The following LIFR variants were observed in gnomAD, a reference collection of about 807,000 sequenced individuals.
The protein encoded by LIFR is leukemia inhibitory factor receptor.
LIFR carries 84 observed loss-of-function variants against 122.2 expected under a neutral mutation model. The ratio of observed to expected loss-of-function variants is 0.69; its 90% confidence interval spans 0.58 to 0.82. LIFR has a LOEUF of 0.82. LIFR is among the 40% of genes least tolerant of loss of function. The probability of loss-of-function intolerance (pLI) is 0.00; values close to 1 mark genes in which losing one functional copy is unlikely to be tolerated. For synonymous variants in LIFR, 422 were observed against 434.7 expected, an observed-to-expected ratio of 0.97 and a Z score of 0.36; for missense variants, 1,294 against 1,311.6, an observed-to-expected ratio of 0.99 and a Z score of 0.21.
chr5:38,574,910 CT>C (rs1749332595), intron 1 of LIFR, among the ~76,000 whole-genome samples: 1 of 152,142 alleles, frequency 6.6e-6, no homozygotes, highest in African/African-American at 2.4e-5. Flanking sequence ...ATCAAGACAT[CT>C]TTTGTTCCCC....
intron 17 of LIFR, among the ~76,000 whole-genome samples, chr5:38,485,220 C>T (rs1447300419): frequency 6.6e-6 from 1 of 152,144 alleles, no homozygotes; most frequent in African/African-American, 2.4e-5. Flanking sequence ...GTTATGACAA[C>T]CAAAAATGAC....
intron 1 of LIFR, among the ~76,000 whole-genome samples, chr5:38,563,553 C>T (rs925769278): frequency 8.5e-5 from 13 of 152,240 alleles, no homozygotes; most frequent in African/African-American, 3.1e-4. Flanking sequence ...TGTTTAATTC[C>T]AAAGTCATCA....
intron 13 of LIFR, among the ~76,000 whole-genome samples, chr5:38,495,876 T>A (rs917900588): frequency 1.3e-5 from 2 of 152,180 alleles, no homozygotes; most frequent in Non-Finnish European, 1.5e-5. Context: ...AAGGCCTATA[T>A]TGAAGATCTA....
At chr5:38,583,759 C>T (rs1265900486) in intron 1 of LIFR, among the ~76,000 whole-genome samples, 1 of 152,206 alleles carries the variant, frequency 6.6e-6, no homozygotes, top group Admixed American at 6.5e-5. Context: ...ACCCAAATCT[C>T]ATCTTGAATT....
At chr5:38,516,366 G>GA (rs756524956) in intron 5 of LIFR, among the ~76,000 whole-genome samples, 1 of 152,076 alleles carries the variant, frequency 6.6e-6, no homozygotes, top group Non-Finnish European at 1.5e-5. Flanking sequence ...AAATTTACAA[G>GA]AAAAAAATCA....
rs754371834 is a variant in LIFR, at chr5:38,481,610, G to A, written c.3279C>T (p.Asn1093=). The A allele has an allele frequency of 6.8e-6, 11 of 1,614,100 alleles. No homozygotes were observed. Among genetic ancestry groups the A allele is most frequent in the Middle Eastern group, 1.6e-4 (1 of 6,062 alleles). ...GGTGACACTGTTAATCGTTTGGTTT[G>A]TTCTGAAAAAAGTTTGTAAAGGACC... ...GGWSFTNFFQ[N]KPND Residue 1093 remains asparagine, a synonymous_variant, in exon 20 of 20, where the codon AAC becomes AAT. Coordinates refer to ENST00000453190, the MANE Select transcript of LIFR (RefSeq NM_001127671.2).
intron 1 of LIFR, among the ~76,000 whole-genome samples, chr5:38,541,605 G>A (rs772005211): frequency 1.3e-5 from 2 of 152,054 alleles, no homozygotes; most frequent in Admixed American, 6.6e-5. Flanking sequence ...ATGTCAACCT[G>A]GACAAAAGTG....
intron 2 of LIFR, among the ~76,000 whole-genome samples, chr5:38,602,762 C>T (rs1366210102): frequency 6.6e-6 from 1 of 152,096 alleles, no homozygotes; most frequent in African/African-American, 2.4e-5. Context: ...GGATCTTCTT[C>T]CCCCACCCAC....
In LIFR at chr5:38,475,263, TC is replaced by T. The variant is rs1743671968; in HGVS notation, c.*6331del. 2 of 192,468 alleles carry T rather than the reference TC, an allele frequency of 1.0e-5. No individual in the cohort carries two copies. Among genetic ancestry groups the T allele is most frequent in the Non-Finnish European group, 2.2e-5 (2 of 92,176 alleles). 11.9% of individuals were successfully genotyped at this position (192,468 alleles called of 1,614,324 possible). ...CACAAGGCAGGAAATGCTTCAGTTATCATCTAAGTGGAGTTGTTTTATTCCA... is the reference window on the plus strand; with the variant it reads ...CACAAGGCAGGAAATGCTTCAGTTATATCTAAGTGGAGTTGTTTTATTCCA... On this transcript the variant is annotated 3_prime_UTR_variant, in exon 20 of 20. Coordinates refer to ENST00000453190, the MANE Select transcript of LIFR (RefSeq NM_001127671.2).
intron 1 of LIFR, among the ~76,000 whole-genome samples, chr5:38,547,839 T>A (rs1032385441): frequency 5.9e-5 from 9 of 152,220 alleles, no homozygotes; most frequent in Admixed American, 2.0e-4. Context: ...TATAATAGCC[T>A]ATTGCTCCTA....
chr5:38,568,372 C>G (rs1471916769), intron 1 of LIFR, among the ~76,000 whole-genome samples: 1 of 152,062 alleles, frequency 6.6e-6, no homozygotes, highest in Non-Finnish European at 1.5e-5. Flanking sequence ...TTCTGGGGGA[C>G]CAACAGGCAC....
At chr5:38,513,867 A>G (rs1433885192) in intron 5 of LIFR, among the ~76,000 whole-genome samples, 2 of 152,186 alleles carry the variant, frequency 1.3e-5, no homozygotes, top group South Asian at 2.1e-4. Flanking sequence ...GGATGACCAG[A>G]AAGTGTACAA....
chr5:38,540,249 A>G (rs1747517076), intron 1 of LIFR, among the ~76,000 whole-genome samples: 1 of 152,210 alleles, frequency 6.6e-6, no homozygotes, highest in Non-Finnish European at 1.5e-5. Context: ...TAAGAAACTT[A>G]CGGTTGTTTT....
intron 8 of LIFR, 25 bp downstream of exon 8, chr5:38,506,478 G>C: frequency 6.2e-7 from 1 of 1,613,646 alleles, no homozygotes; most frequent in South Asian, 1.1e-5. Flanking sequence ...CTTGCCATCT[G>C]ACATCTTTTC....
chr5:38,532,243 C>T (rs574574157), intron 1 of LIFR, among the ~76,000 whole-genome samples: 14 of 152,274 alleles, frequency 9.2e-5, no homozygotes, highest in Admixed American at 4.6e-4. Flanking sequence ...CAAGAAGGGG[C>T]GGAGGGAGGC....
At chr5:38,564,301 C>A (rs1455329087) in intron 1 of LIFR, among the ~76,000 whole-genome samples, 1 of 151,788 alleles carries the variant, frequency 6.6e-6, no homozygotes, top group African/African-American at 2.4e-5. Flanking sequence ...CAGCTCACTG[C>A]AGCCTTGACC....
chr5:38,556,543 G>A lies in LIFR; in HGVS notation c.-229C>T, dbSNP rs943791333. 1.3e-5 allele frequency: 2 copies of A among 150,248 alleles called. No individual in the cohort carries two copies. Among genetic ancestry groups the A allele is most frequent in the Admixed American group, 6.6e-5 (1 of 15,122 alleles). The allele number at this position is 150,248 out of a possible 1,614,324, so 9.3% of individuals were successfully genotyped here. On this transcript the variant is annotated 5_prime_UTR_variant, in exon 1 of 20. Transcript: ENST00000453190. ...CTTGAGGCGGCCACGGGCGAAGGGC[G>A]GCCCGCTGCGCTCCGCGAACCCCGC...
At position 38,510,688 on chromosome 5, in the gene LIFR, G is replaced by A. The variant is rs1745753086; in HGVS notation, c.767C>T (p.Pro256Leu). ...WIPDSQTKVFPQDKVILVGSD... is the reference protein window; with the variant it reads ...WIPDSQTKVFLQDKVILVGSD... ...GCCTACAAGTATCACTTTATCTTGA[G>A]GAAAAACCTTAGTCTGAGAATCAGG... Residue 256 changes from proline (P) to leucine (L), a missense_variant, in exon 7 of 20, where the codon CCT (proline) becomes CTT (leucine). Coordinates refer to ENST00000453190, the MANE Select transcript of LIFR (RefSeq NM_001127671.2). 6.2e-7 allele frequency: 1 copy of A among 1,612,962 alleles called. No homozygotes were observed. Among genetic ancestry groups the A allele is most frequent in the Non-Finnish European group, 8.5e-7 (1 of 1,179,224 alleles).
At chr5:38,576,712 T>C (rs1347715154) in intron 1 of LIFR, among the ~76,000 whole-genome samples, 1 of 152,202 alleles carries the variant, frequency 6.6e-6, no homozygotes, top group African/African-American at 2.4e-5. Flanking sequence ...ATCACAATAG[T>C]GTCAGCAGGG....
Sources: allele counts gnomAD v4.1 joint callset (sites outside exome capture counted in the v4.1 genomes callset), GRCh38; gene constraint gnomAD v4.1.1; transcripts MANE v1.5; gene names NCBI Gene and HGNC (gene_info 2026-07-23, HGNC 2026-07-21).